The following EFCAB13 variants were observed in gnomAD, a reference collection of about 807,000 sequenced individuals.
The protein encoded by EFCAB13 is EF-hand calcium binding domain 13, also known as EF-hand calcium-binding domain-containing protein 13.
In EFCAB13, 91 loss-of-function variants were observed where a neutral mutation model predicts 110.2. That is an observed-to-expected ratio of 0.83 (90% confidence interval 0.70 to 0.98). The LOEUF is 0.98. EFCAB13 is among the 50% of genes least tolerant of loss of function. EFCAB13 has a pLI of 0.00. For missense variants in EFCAB13, 968 were observed against 1,119.4 expected (o/e 0.86, Z 1.93); for synonymous variants, 323 against 369.9 (o/e 0.87, Z 1.45).
intron 17 of EFCAB13, 82 bp from the exon 18 acceptor site, chr17:47,402,050 G>C (rs1817589704): frequency 9.7e-7 from 1 of 1,035,050 alleles, no homozygotes; most frequent in African/African-American, 1.6e-5. Flanking sequence ...TGCATCAAAT[G>C]GTTTACATTT....
chr17:47,388,235 T>C (rs1207485478), intron 14 of EFCAB13, among the ~76,000 whole-genome samples: 1 of 152,174 alleles, frequency 6.6e-6, no homozygotes, highest in Non-Finnish European at 1.5e-5. Context: ...GAACCCAAGA[T>C]GGTGGGGAAG....
At chr17:47,429,316 T>A (rs9893901) in intron 23 of EFCAB13, among the ~76,000 whole-genome samples, 5 of 151,968 alleles carry the variant, frequency 3.3e-5, no homozygotes, top group African/African-American at 7.3e-5. Flanking sequence ...GATTTAAAGC[T>A]TATTAGTAAT....
chr17:47,390,914 G>GTCTGTCTA (rs150041083), intron 14 of EFCAB13, among the ~76,000 whole-genome samples: 228 of 150,262 alleles, frequency 1.5e-3, no homozygotes, highest in African/African-American at 3.2e-3. Flanking sequence ...GTGTCTGTCT[G>GTCTGTCTA]TCTATCTATC....
At position 47,343,133 on chromosome 17, in the gene EFCAB13, A is replaced by G. The variant is rs544309176; in HGVS notation, c.304-1029A>G. On this transcript the variant is annotated intron_variant, in intron 6 of 24. Coordinates refer to ENST00000331493, the MANE Select transcript of EFCAB13 (RefSeq NM_152347.5). ...TGTTAACTTGTTCTTTGGGTGTTATATATATTTTGTACATTCTTTCATATA... is the reference window on the plus strand; with the variant it reads ...TGTTAACTTGTTCTTTGGGTGTTATGTATATTTTGTACATTCTTTCATATA... Among the ~76,000 whole-genome samples the G allele has an allele frequency of 9.2e-5, 14 of 152,164 alleles. No individual in the cohort carries two copies. In the East Asian group the frequency reaches 1.3e-3, roughly 15 times the overall value.
At chr17:47,354,753 A>G (rs1048360292) in intron 9 of EFCAB13, among the ~76,000 whole-genome samples, 2 of 152,082 alleles carry the variant, frequency 1.3e-5, no homozygotes, top group African/African-American at 4.8e-5. Flanking sequence ...GGTTTATGTG[A>G]GTGAGTCCTT....
At chr17:47,395,744 A>AC in intron 16 of EFCAB13, 90 bp from the exon 17 acceptor site, 1 of 1,140,124 alleles carries the variant, frequency 8.8e-7, no homozygotes, top group South Asian at 2.8e-5. Context: ...AACCATAAAA[A>AC]CCTTAATTTT....
At position 47,347,957 on chromosome 17, in the gene EFCAB13, T is replaced by C; in HGVS notation, c.661+6T>C. ...AAAGACTGTTGATATTGATGGTAAG[T>C]TTTATCTTTTCAGTATTAGTTTAAG... On this transcript the variant is annotated splice_donor_region_variant and intron_variant, in intron 9 of 24. Transcript: ENST00000331493. 7.0e-7 allele frequency: 1 copy of C among 1,434,394 alleles called. No homozygotes were observed. Among genetic ancestry groups the C allele is most frequent in the Non-Finnish European group, 9.3e-7 (1 of 1,077,400 alleles). 88.9% of individuals were successfully genotyped at this position (1,434,394 alleles called of 1,614,324 possible).
chr17:47,397,861 C>G (rs1259623255), intron 17 of EFCAB13, among the ~76,000 whole-genome samples: 1 of 151,694 alleles, frequency 6.6e-6, no homozygotes, highest in African/African-American at 2.4e-5. Context: ...CCGGCAGTCA[C>G]CCCGTCTGGG....
chr17:47,418,850 A>G (rs1011654155), intron 23 of EFCAB13, among the ~76,000 whole-genome samples: 8 of 152,162 alleles, frequency 5.3e-5, no homozygotes, highest in Non-Finnish European at 1.2e-4. Context: ...GAGAAAATCA[A>G]TTGATCATAG....
chr17:47,379,522 A>G (rs1274674146), intron 14 of EFCAB13, among the ~76,000 whole-genome samples: 1 of 151,980 alleles, frequency 6.6e-6, no homozygotes, highest in Non-Finnish European at 1.5e-5. Context: ...TCAAATAGGT[A>G]ATTAGCAACA....
intron 14 of EFCAB13, among the ~76,000 whole-genome samples, chr17:47,380,446 T>A (rs1341863824): frequency 2.6e-5 from 4 of 152,230 alleles, no homozygotes; most frequent in Non-Finnish European, 5.9e-5. Context: ...GTCCATGGTG[T>A]ATATGTGCCA....
Position 47,344,246 on chromosome 17 carries a change from G to A in EFCAB13, c.388G>A (p.Val130Ile), listed in dbSNP as rs761950286. Residue 130 changes from valine to isoleucine, a missense_variant, in exon 7 of 25, where the codon GTT (valine) becomes ATT (isoleucine). Coordinates refer to ENST00000331493, the MANE Select transcript of EFCAB13 (RefSeq NM_152347.5). ...SLCKLPNQYS[V>I]HKTSSPLCTS... ...ATGCAAGTTGCCGAATCAGTACAGC[G>A]TTCACAAGACTTCATCACCTCTTTG... 9.9e-6 allele frequency: 16 copies of A among 1,612,872 alleles called. No individual in the cohort carries two copies. Among genetic ancestry groups the A allele is most frequent in the East Asian group, 8.9e-5 (4 of 44,828 alleles).
intron 17 of EFCAB13, among the ~76,000 whole-genome samples, chr17:47,400,303 G>A (rs2065772132): frequency 6.6e-6 from 1 of 152,160 alleles, no homozygotes; most frequent in South Asian, 2.1e-4. Context: ...TGTTTTGGTG[G>A]TTTAGCAAAG....
At chr17:47,406,185 T>C (rs188071098) in intron 20 of EFCAB13, among the ~76,000 whole-genome samples, 21 of 152,340 alleles carry the variant, frequency 1.4e-4, no homozygotes, top group Admixed American at 1.3e-3. Flanking sequence ...CAATCTTGGC[T>C]CACTGCAACC....
At chr17:47,420,314 C>T (rs1184563450) in intron 23 of EFCAB13, among the ~76,000 whole-genome samples, 1 of 152,264 alleles carries the variant, frequency 6.6e-6, no homozygotes, top group Non-Finnish European at 1.5e-5. Flanking sequence ...CACCTCCCAG[C>T]CGCCTGCCTT....
chr17:47,404,528 G>A (rs1459439149), intron 19 of EFCAB13, 34 bp from the exon 20 acceptor site: 1 of 1,551,988 alleles, frequency 6.4e-7, no homozygotes, highest in Non-Finnish European at 8.9e-7. Context: ...TTGTCTAGGG[G>A]TTCTTGTTTG....
intron 10 of EFCAB13, among the ~76,000 whole-genome samples, chr17:47,363,833 A>T: frequency 6.6e-6 from 1 of 152,162 alleles, no homozygotes; most frequent in East Asian, 1.9e-4. Context: ...TGGTCTGGAG[A>T]TAGAATCAGG....
At chr17:47,352,392 A>G (rs936164477) in intron 9 of EFCAB13, among the ~76,000 whole-genome samples, 2 of 152,136 alleles carry the variant, frequency 1.3e-5, no homozygotes, top group Non-Finnish European at 2.9e-5. Context: ...GTCAAAGATC[A>G]GGTGGCTATA....
chr17:47,419,953 CG>C (rs1416090089), intron 23 of EFCAB13, among the ~76,000 whole-genome samples: 11 of 147,146 alleles, frequency 7.5e-5, no homozygotes, highest in Admixed American at 4.0e-4. Flanking sequence ...CCTCTCCCCA[CG>C]GTCTCCCTCT....
Sources: allele counts gnomAD v4.1 joint callset (sites outside exome capture counted in the v4.1 genomes callset), GRCh38; gene constraint gnomAD v4.1.1; transcripts MANE v1.5; gene names NCBI Gene and HGNC (gene_info 2026-07-23, HGNC 2026-07-21).